GABRR2: variants seen among roughly 807,000 people sequenced by gnomAD.
GABRR2 encodes the protein gamma-aminobutyric acid type A receptor subunit rho2, also known as gamma-aminobutyric acid receptor subunit rho-2.
In GABRR2, 36 loss-of-function variants were observed where a neutral mutation model predicts 47.0. The ratio of observed to expected loss-of-function variants is 0.77; its 90% CI spans 0.59 to 1.01. The LOEUF is 1.01. GABRR2 is among the 50% of genes least tolerant of loss of function. The pLI is 0.00. For missense variants in GABRR2, 587 were observed against 594.6 expected (o/e 0.99, Z 0.13); for synonymous variants, 204 against 227.5 (o/e 0.90, Z 0.93).
At chr6:89,267,604 T>TC (rs1773928886) in intron 6 of GABRR2, 75 bp downstream of exon 6, 2 of 1,235,818 alleles carry the variant, frequency 1.6e-6, no homozygotes, top group Non-Finnish European at 2.1e-6. Flanking sequence ...CATATTTTCC[T>TC]GGGGTTAAGG....
chr6:89,284,373 C>T (rs1163778533), intron 2 of GABRR2, among the ~76,000 whole-genome samples: 2 of 152,104 alleles, frequency 1.3e-5, no homozygotes, highest in Non-Finnish European at 2.9e-5. Flanking sequence ...CCTCCAGAAC[C>T]TGGGGATGTG....
intron 2 of GABRR2, among the ~76,000 whole-genome samples, chr6:89,274,479 G>T (rs1774118385): frequency 6.6e-6 from 1 of 152,122 alleles, no homozygotes; most frequent in African/African-American, 2.4e-5. Flanking sequence ...TTTGAGTGGG[G>T]CTAAGTCCTA....
At chr6:89,260,474 G>C (rs1274236452) in intron 8 of GABRR2, among the ~76,000 whole-genome samples, 1 of 152,194 alleles carries the variant, frequency 6.6e-6, no homozygotes, top group Non-Finnish European at 1.5e-5. Flanking sequence ...GTCAGACAAG[G>C]TCTGGCTAAT....
In GABRR2 at chr6:89,257,504, C is replaced by A. The variant is rs559103645; in HGVS notation, c.*166G>T. ...AGCCCCACGGGGTCTGGGGTCAGGGCAGCTGGAAGGCTCCTGGGCTTCTCT... is the reference window on the plus strand; with the variant it reads ...AGCCCCACGGGGTCTGGGGTCAGGGAAGCTGGAAGGCTCCTGGGCTTCTCT... On this transcript the variant is annotated 3_prime_UTR_variant, in exon 9 of 9. Coordinates refer to ENST00000402938, the MANE Select transcript of GABRR2 (RefSeq NM_002043.5). 27 of 623,132 alleles carry A rather than the reference C, an allele frequency of 4.3e-5. No homozygotes were observed. The African/African-American group carries it at 4.4e-4, about 10-fold the overall frequency. The allele number at this position is 623,132 out of a possible 1,614,324, so 38.6% of individuals were successfully genotyped here.
At chr6:89,303,804 A>G (rs537484933) in intron 1 of GABRR2, among the ~76,000 whole-genome samples, 22 of 152,344 alleles carry the variant, frequency 1.4e-4, no homozygotes, top group African/African-American at 4.6e-4. Flanking sequence ...AAATAAGGCT[A>G]CACACCCACA....
intron 8 of GABRR2, among the ~76,000 whole-genome samples, chr6:89,258,553 A>AAT (rs1773662794): frequency 1.6e-5 from 2 of 124,040 alleles, no homozygotes; most frequent in Non-Finnish European, 3.6e-5. Context: ...AAAAAAAAAA[A>AAT]AAAAAATGTT....
chr6:89,265,958 A>G (rs1483542137), intron 6 of GABRR2, among the ~76,000 whole-genome samples, 193 bp from the exon 7 acceptor site: 3 of 152,228 alleles, frequency 2.0e-5, no homozygotes, highest in Non-Finnish European at 2.9e-5. Flanking sequence ...ATATCTTGCC[A>G]ATATCTAGTA....
chr6:89,271,584 G>T, intron 3 of GABRR2, 71 bp downstream of exon 3: 1 of 1,362,468 alleles, frequency 7.3e-7, no homozygotes, highest in Non-Finnish European at 1.0e-6. Flanking sequence ...GCCCACACAG[G>T]CACAGCCTGC....
In GABRR2 at chr6:89,315,265, G is replaced by A. The variant is rs772167329; in HGVS notation, c.-100C>T. 4 of 1,593,344 alleles carry A rather than the reference G, an allele frequency of 2.5e-6. 1 individual carries two copies. In the South Asian group the frequency reaches 4.5e-5, roughly 18 times the overall value. ...TTGATCCATCTGCTGCCTCCTGACG[G>A]GCTGCTCTGAGGGGCTGTGAGGGCA... On this transcript the variant is annotated 5_prime_UTR_variant, in exon 1 of 9. Coordinates refer to ENST00000402938, the MANE Select transcript of GABRR2 (RefSeq NM_002043.5).
In GABRR2 at chr6:89,257,645, T is replaced by C; in HGVS notation, c.*25A>G. On this transcript the variant is annotated 3_prime_UTR_variant, in exon 9 of 9. Coordinates refer to ENST00000402938, the MANE Select transcript of GABRR2 (RefSeq NM_002043.5). ...CCAGGCCCCCTCGATGTCTATGCCCTCTTCTAGGAACAGCCTTGGAGCCCC... is the reference window on the plus strand; with the variant it reads ...CCAGGCCCCCTCGATGTCTATGCCCCCTTCTAGGAACAGCCTTGGAGCCCC... 1 of 1,583,294 alleles carries C rather than the reference T, an allele frequency of 6.3e-7. No individual in the cohort carries two copies. The highest frequency in any genetic ancestry group is 8.6e-7 in the Non-Finnish European group (1 of 1,160,928).
chr6:89,286,595 C>A (rs991048164), intron 2 of GABRR2, among the ~76,000 whole-genome samples: 3 of 151,882 alleles, frequency 2.0e-5, no homozygotes, highest in African/African-American at 7.3e-5. Context: ...CTATGACAGA[C>A]CTGTCTAATG....
chr6:89,281,512 A>AGTGTAGTGT (rs1193652152), intron 2 of GABRR2, among the ~76,000 whole-genome samples: 1 of 152,052 alleles, frequency 6.6e-6, no homozygotes, highest in Non-Finnish European at 1.5e-5. Context: ...GATGAGCATA[A>AGTGTAGTGT]GTGTAGTGTG....
intron 8 of GABRR2, among the ~76,000 whole-genome samples, chr6:89,258,735 A>AG (rs896949031): frequency 6.6e-6 from 1 of 150,380 alleles, no homozygotes; most frequent in African/African-American, 2.4e-5. Flanking sequence ...TTTTAAAAAA[A>AG]AAAGAAAGAA....
At position 89,268,791 on chromosome 6, in the gene GABRR2, A is replaced by T. The variant is rs151328289; in HGVS notation, c.512+220T>A. ...AAGGTCATTGTCTCATTCAGGCCAA[A>T]GTAGTCTTCTCACCCAAGCTTAAGA... is the stretch of plus-strand genomic sequence containing the variant. On this transcript the variant is annotated intron_variant, in intron 4 of 8. Coordinates refer to ENST00000402938, the MANE Select transcript of GABRR2 (RefSeq NM_002043.5). Among the ~76,000 whole-genome samples the T allele has an allele frequency of 1.2e-4, 18 of 152,292 alleles. 2 individuals carry two copies. In the East Asian group the frequency reaches 3.5e-3, roughly 29 times the overall value.
At chr6:89,267,477 G>A (rs1055443916) in intron 6 of GABRR2, among the ~76,000 whole-genome samples, 4 of 152,318 alleles carry the variant, frequency 2.6e-5, no homozygotes, top group African/African-American at 9.6e-5. Flanking sequence ...TGACGTGGGA[G>A]GATCACCTGA....
chr6:89,275,432 C>T (rs1204549941), intron 2 of GABRR2, among the ~76,000 whole-genome samples: 1 of 152,104 alleles, frequency 6.6e-6, no homozygotes, highest in Non-Finnish European at 1.5e-5. Context: ...CACCACCACA[C>T]CTGGCTAATT....
At position 89,256,650 on chromosome 6, in the gene GABRR2, A is replaced by G. The variant is rs558836734; in HGVS notation, c.*1020T>C. On this transcript the variant is annotated 3_prime_UTR_variant, in exon 9 of 9. Transcript: ENST00000402938. ...ATTTATGATAGGTGCCCTGGACCTC[A>G]AGGTACCAGCTTAACCTCTGGAGGG... Among the ~76,000 whole-genome samples the G allele has an allele frequency of 2.6e-5, 4 of 152,280 alleles. No homozygotes were observed. The South Asian group carries it at 8.3e-4, about 32-fold the overall frequency.
At chr6:89,286,329 G>C (rs956283991) in intron 2 of GABRR2, among the ~76,000 whole-genome samples, 36 of 152,254 alleles carry the variant, frequency 2.4e-4, no homozygotes, top group African/African-American at 8.4e-4. Flanking sequence ...GTACGTTCTG[G>C]TGATCGAATG....
chr6:89,259,219 C>T (rs985731707), intron 8 of GABRR2, among the ~76,000 whole-genome samples: 2 of 152,040 alleles, frequency 1.3e-5, no homozygotes, highest in African/African-American at 4.8e-5. Flanking sequence ...TGACCTGGCT[C>T]TCAGCCCTTC....
Sources: gnomAD v4.1 joint callset for allele counts (sites outside exome capture counted in the v4.1 genomes callset) on GRCh38, gnomAD v4.1.1 for gene constraint, MANE v1.5 for transcripts, NCBI Gene and HGNC (gene_info 2026-07-23, HGNC 2026-07-21) for gene names.